Variants in BCAS4 observed in about 807,000 individuals in gnomAD.
BCAS4 encodes breast carcinoma amplified sequence 4.
BCAS4 carries 9 observed loss-of-function variants against 15.7 expected under a neutral mutation model. The ratio of observed to expected loss-of-function variants is 0.57; its 90% confidence interval spans 0.34 to 1.00. The LOEUF (loss-of-function observed/expected upper bound fraction) is 1.00, where lower values mean the gene tolerates loss of function less well. Among genes scored for constraint, BCAS4 ranks in the 50% least tolerant of loss-of-function variants. The pLI, the probability that BCAS4 is intolerant of heterozygous loss-of-function variation, is 0.02. For synonymous variants in BCAS4, 101 were observed against 99.5 expected (o/e 1.02, Z -0.09); for missense variants, 225 against 239.1 (o/e 0.94, Z 0.39).
Position 50,850,193 on chromosome 20 carries a change from C to A in BCAS4, c.399+8293C>A, listed in dbSNP as rs368183387. Among the ~76,000 whole-genome samples the A allele has an allele frequency of 6.6e-5, 10 of 152,334 alleles. No homozygotes were observed. The East Asian group carries it at 7.7e-4, about 12-fold the overall frequency. On this transcript the variant is annotated intron_variant, in intron 4 of 4. Coordinates refer to ENST00000371608, the MANE Select transcript of BCAS4 (RefSeq NM_198799.4). Reference sequence around the variant, plus strand: ...ACTAACAGCCAATAGTTATATTGAGCCCCTACTGTATACGAAGGGCTTTCT... The same window carrying A: ...ACTAACAGCCAATAGTTATATTGAGACCCTACTGTATACGAAGGGCTTTCT...
At chr20:50,820,373 T>C (rs2088198686) in intron 2 of BCAS4, among the ~76,000 whole-genome samples, 1 of 152,098 alleles carries the variant, frequency 6.6e-6, no homozygotes, top group African/African-American at 2.4e-5. Flanking sequence ...GAAGGCTTCG[T>C]ATAACAGGTG....
chr20:50,828,289 C>T (rs562209873), intron 2 of BCAS4, among the ~76,000 whole-genome samples: 8 of 151,716 alleles, frequency 5.3e-5, no homozygotes, highest in African/African-American at 9.7e-5. Flanking sequence ...GAGGGCTAGG[C>T]GTGGGGAGAG....
intron 3 of BCAS4, among the ~76,000 whole-genome samples, chr20:50,835,593 A>G (rs1361780911): frequency 6.6e-6 from 1 of 152,230 alleles, no homozygotes. Flanking sequence ...AACAGGAGCC[A>G]GGACTGCTGA....
At chr20:50,844,510 C>T (rs2088519752) in intron 4 of BCAS4, among the ~76,000 whole-genome samples, 1 of 152,144 alleles carries the variant, frequency 6.6e-6, no homozygotes, top group South Asian at 2.1e-4. Context: ...CTTGGCTGCC[C>T]ATGTCCTGTT....
At chr20:50,830,250 G>A in intron 2 of BCAS4, 29 bp from the exon 3 acceptor site, 1 of 1,577,774 alleles carries the variant, frequency 6.3e-7, no homozygotes, top group Non-Finnish European at 8.7e-7. Context: ...TGGGGCAGAA[G>A]GCCTGATGAG....
intron 4 of BCAS4, among the ~76,000 whole-genome samples, chr20:50,855,590 G>C (rs1238573123): frequency 2.0e-5 from 3 of 152,122 alleles, no homozygotes; most frequent in African/African-American, 7.2e-5. Context: ...AGGGGAAGGG[G>C]AAGGGTGTGG....
intron 4 of BCAS4, among the ~76,000 whole-genome samples, chr20:50,859,868 G>C (rs144430472): frequency 5.9e-5 from 9 of 152,200 alleles, no homozygotes; most frequent in African/African-American, 2.2e-4. Context: ...GGCCGGACGC[G>C]GTGGCTCACG....
intron 2 of BCAS4, among the ~76,000 whole-genome samples, chr20:50,825,096 C>A (rs1411783031): frequency 6.6e-6 from 1 of 152,038 alleles, no homozygotes; most frequent in Non-Finnish European, 1.5e-5. Context: ...GTTTTATCTC[C>A]CATAAAATAA....
intron 1 of BCAS4, among the ~76,000 whole-genome samples, chr20:50,804,183 C>T (rs998770380): frequency 6.6e-6 from 1 of 152,100 alleles, no homozygotes; most frequent in Non-Finnish European, 1.5e-5. Flanking sequence ...GGATTACAGG[C>T]GCCTGCCACC....
At chr20:50,841,926 G>A in intron 4 of BCAS4, 26 bp downstream of exon 4, 1 of 1,536,950 alleles carries the variant, frequency 6.5e-7, no homozygotes. Flanking sequence ...CGAGAAGTGA[G>A]GGGAGGGCCT....
chr20:50,881,069 T>TA (rs1980108799), downstream of BCAS4: 7 of 152,028 alleles, frequency 4.6e-5, 1 homozygote, highest in South Asian at 2.1e-4. Flanking sequence ...CCCTTCTCTG[T>TA]AAAAAATAGA....
chr20:50,865,499 G>A (rs930210052), intron 4 of BCAS4, among the ~76,000 whole-genome samples: 2 of 152,158 alleles, frequency 1.3e-5, no homozygotes, highest in Admixed American at 1.3e-4. Context: ...CCATGTTAAC[G>A]CTTTTCCTCC....
chr20:50,842,755 G>C (rs6067567), intron 4 of BCAS4, among the ~76,000 whole-genome samples: 1 of 152,078 alleles, frequency 6.6e-6, no homozygotes, highest in Admixed American at 6.5e-5. Flanking sequence ...ACGGAGGCTC[G>C]GGGAAGGAGA....
intron 1 of BCAS4, 62 bp from the exon 2 acceptor site, chr20:50,818,148 AT>A (rs1376599638): frequency 8.3e-6 from 12 of 1,443,808 alleles, no homozygotes; most frequent in Admixed American, 4.0e-5. Flanking sequence ...AAAAAAAAAA[AT>A]GAAGGGTGTT....
chr20:50,844,200 A>G (rs772069431), intron 4 of BCAS4, among the ~76,000 whole-genome samples: 3 of 151,880 alleles, frequency 2.0e-5, no homozygotes, highest in Non-Finnish European at 4.4e-5. Context: ...CTATAATCCC[A>G]CCACTTTGGG....
chr20:50,842,665 G>C (rs1438398554), intron 4 of BCAS4, among the ~76,000 whole-genome samples: 1 of 152,214 alleles, frequency 6.6e-6, no homozygotes, highest in African/African-American at 2.4e-5. Flanking sequence ...TGATCCACCT[G>C]CCTTGGCCTC....
At chr20:50,865,691 T>C (rs1979321239) in intron 4 of BCAS4, among the ~76,000 whole-genome samples, 1 of 152,090 alleles carries the variant, frequency 6.6e-6, no homozygotes, top group Admixed American at 6.5e-5. Flanking sequence ...GCCTCCCATG[T>C]CCACCAGCTG....
intron 4 of BCAS4, among the ~76,000 whole-genome samples, chr20:50,858,100 C>G (rs1978861306): frequency 6.6e-6 from 1 of 152,194 alleles, no homozygotes; most frequent in Non-Finnish European, 1.5e-5. Flanking sequence ...AAACCTCCAC[C>G]CCATCTTCAT....
intron 4 of BCAS4, among the ~76,000 whole-genome samples, chr20:50,870,520 G>T (rs1271072076): frequency 1.3e-5 from 2 of 152,146 alleles, no homozygotes; most frequent in Non-Finnish European, 2.9e-5. Context: ...GCGGATTGCC[G>T]GGGCCAACTC....
Sources: allele counts gnomAD v4.1 joint callset (sites outside exome capture counted in the v4.1 genomes callset), GRCh38; gene constraint gnomAD v4.1.1; transcripts MANE v1.5; gene names NCBI Gene and HGNC (gene_info 2026-07-23, HGNC 2026-07-21).